INTS5: variants seen among roughly 807,000 people sequenced by gnomAD.
INTS5 encodes the protein integrator complex subunit 5.
In INTS5, 29 loss-of-function variants were observed where a neutral mutation model predicts 60.0. The ratio of observed to expected loss-of-function variants is 0.48; its 90% CI spans 0.36 to 0.66. The LOEUF is 0.66. INTS5 is among the 30% of genes least tolerant of loss of function. The pLI is 0.00. For missense variants in INTS5, 1,129 were observed against 1,307.9 expected, an observed-to-expected ratio of 0.86 and a Z score of 2.11; for synonymous variants, 588 against 558.8, an observed-to-expected ratio of 1.05 and a Z score of -0.74.
rs1159325733 is a variant in INTS5 at position 62,648,202 on chromosome 11, G to A, written c.1878C>T (p.Ala626=). 3 of 1,613,424 alleles carry A rather than the reference G, an allele frequency of 1.9e-6. No homozygotes were observed. Among genetic ancestry groups the A allele is most frequent in the Non-Finnish European group, 1.7e-6 (2 of 1,179,778 alleles). The change falls in exon 2 of 2, where the codon GCC becomes GCT. Residue 626 remains alanine, a synonymous_variant. Transcript: ENST00000330574. This position sits in a 1 kb window ranked among gnomAD's most constrained non-coding sequence, Gnocchi z 4.4. ...GAAAGGGACAAATGGCCAGGAGAGAGGCAGCAGCTTCAGCTACTTCCTCCT... is the reference window on the plus strand; with the variant it reads ...GAAAGGGACAAATGGCCAGGAGAGAAGCAGCAGCTTCAGCTACTTCCTCCT... ...HPEEEVAEAA[A]SLLAICPFPS...
At position 62,649,567 on chromosome 11, in the gene INTS5, G is replaced by A. The variant is rs769532268; in HGVS notation, c.513C>T (p.Gly171=). Residue 171 remains glycine (G), a synonymous_variant, in exon 2 of 2, where the codon GGC becomes GGT. Transcript: ENST00000330574. This position sits in a 1 kb window ranked among gnomAD's most constrained non-coding sequence, Gnocchi z 6.0. ...GQHQRVPHAT[G]ALNELLQLWM... is the part of the protein sequence containing the mutation. The stretch of plus-strand genomic sequence containing the variant: ...ACAGCTGTAGCAGTTCATTAAGAGC[G>A]CCAGTAGCGTGGGGAACACGCTGGT... 14 of 1,614,162 alleles carry A rather than the reference G, an allele frequency of 8.7e-6. No homozygotes were observed. The highest frequency in any genetic ancestry group is 1.7e-5 in the Admixed American group (1 of 60,026).
chr11:62,648,871 G>A lies in INTS5; in HGVS notation c.1209C>T (p.Ala403=). The A allele has an allele frequency of 1.2e-6, 2 of 1,613,928 alleles. No homozygotes were observed. Among genetic ancestry groups the A allele is most frequent in the Non-Finnish European group, 1.7e-6 (2 of 1,180,032 alleles). ...HLVSQASGAG[A]YRLLQFLVDT... The stretch of plus-strand genomic sequence containing the variant: ...CCACCAGGAACTGCAGCAAGCGGTA[G>A]GCACCTGCCCCAGAGGCCTGGCTCA... Residue 403 remains alanine (A), a synonymous_variant, in exon 2 of 2, where the codon GCC becomes GCT. Coordinates refer to ENST00000330574, the MANE Select transcript of INTS5 (RefSeq NM_030628.2). The surrounding 1 kb of genome is among the most constrained non-coding windows in gnomAD (Gnocchi z 4.4).
chr11:62,649,930 G>C lies in INTS5; in HGVS notation c.150C>G (p.Leu50=), dbSNP rs752488137. 1.2e-6 allele frequency: 2 copies of C among 1,614,192 alleles called. No individual in the cohort carries two copies. Among genetic ancestry groups the C allele is most frequent in the Admixed American group, 1.7e-5 (1 of 60,010 alleles). Residue 50 remains leucine, a synonymous_variant, in exon 2 of 2, where the codon CTC becomes CTG. Coordinates refer to ENST00000330574, the MANE Select transcript of INTS5 (RefSeq NM_030628.2). The surrounding 1 kb of genome is among the most constrained non-coding windows in gnomAD (Gnocchi z 6.0). The part of the protein sequence containing the change: ...TGVDPILGHQ[L]SAREHARCGL... ...CACAGCGAGCATGTTCCCGGGCTGAGAGTTGGTGGCCCAGAATGGGGTCTA... is the reference window on the plus strand; with the variant it reads ...CACAGCGAGCATGTTCCCGGGCTGACAGTTGGTGGCCCAGAATGGGGTCTA...
rs571152386 is a variant in INTS5, at chr11:62,652,038, G to A, written c.80+1132C>T. ...AATATCTGCTTTAAAAACATTTCCA[G>A]GCTGGCTGAGGTGCCTCACGTCTGT... On this transcript the variant is annotated intron_variant, in intron 1 of 1. Coordinates refer to ENST00000330574, the MANE Select transcript of INTS5 (RefSeq NM_030628.2). Among the ~76,000 whole-genome samples, 5 of 152,016 alleles carry A rather than the reference G, an allele frequency of 3.3e-5. No individual in the cohort carries two copies. The East Asian group carries it at 9.7e-4, about 29-fold the overall frequency.
intron 1 of INTS5, among the ~76,000 whole-genome samples, chr11:62,652,104 G>A (rs1488354082): frequency 6.6e-6 from 1 of 150,418 alleles, no homozygotes; most frequent in Non-Finnish European, 1.5e-5. Context: ...TGGATCACTT[G>A]AGGTCAGAAG....
At position 62,647,785 on chromosome 11, in the gene INTS5, C is replaced by T. The variant is rs745845334; in HGVS notation, c.2295G>A (p.Gln765=). Residue 765 remains glutamine, a synonymous_variant, in exon 2 of 2, where the codon CAG becomes CAA. Coordinates refer to ENST00000330574, the MANE Select transcript of INTS5 (RefSeq NM_030628.2). The part of the protein sequence containing the change: ...GRGLKPPKFV[Q]SRNQQEVIYN... ...AGATCACTTCCTGCTGATTTCGTGA[C>T]TGGACAAACTTGGGTGGCTTTAAGC... 2.0e-5 allele frequency: 33 copies of T among 1,614,212 alleles called. No individual in the cohort carries two copies. The South Asian group carries it at 3.0e-4, about 14-fold the overall frequency.
chr11:62,647,525 C>T lies in INTS5; in HGVS notation c.2555G>A (p.Arg852His), dbSNP rs1287218128. The change falls in exon 2 of 2, where the codon CGC becomes CAC. Residue 852 changes from arginine (R) to histidine (H), a missense_variant. Arg to His is a conservative substitution (Grantham distance 29). Around this residue, in one of 3 missense-constraint regions of INTS5, gnomAD observed 1,070 missense variants for 1,246.1 expected, o/e 0.86. Transcript: ENST00000330574. Reference protein sequence around the residue: ...ERDLRIGRRFREQPLLFELLK... With the variant: ...ERDLRIGRRFHEQPLLFELLK... ...CAGCTCAAAGAGCAGGGGCTGTTCG[C>T]GGAAGCGCCGGCCAATGCGGAGATC... 6.2e-7 allele frequency: 1 copy of T among 1,611,898 alleles called. No homozygotes were observed. The highest frequency in any genetic ancestry group is 1.3e-5 in the African/African-American group (1 of 75,038).
rs1205031954 is a variant in INTS5, at chr11:62,649,096, G to A, written c.984C>T (p.Arg328=). Residue 328 remains arginine, a synonymous_variant, in exon 2 of 2, where the codon CGC becomes CGT. Coordinates refer to ENST00000330574, the MANE Select transcript of INTS5 (RefSeq NM_030628.2). This position sits in a 1 kb window ranked among gnomAD's most constrained non-coding sequence, Gnocchi z 6.0. ...TGGCCTGAAGGGAGGGGTCCCCACTGCGGCCTCCAGATCCCCCTGCCAGGC... is the reference window on the plus strand; with the variant it reads ...TGGCCTGAAGGGAGGGGTCCCCACTACGGCCTCCAGATCCCCCTGCCAGGC... The part of the protein sequence containing the change: ...HDSLAGGSGG[R]SGDPSLQATV... 2 of 1,610,536 alleles carry A rather than the reference G, an allele frequency of 1.2e-6. No homozygotes were observed. The highest frequency in any genetic ancestry group is 1.7e-6 in the Non-Finnish European group (2 of 1,177,242).
rs1944542895 is a variant in INTS5, at chr11:62,647,781, G to A, written c.2299C>T (p.Arg767Ter). ...TTATAGATCACTTCCTGCTGATTTC[G>A]TGACTGGACAAACTTGGGTGGCTTT... is the stretch of plus-strand genomic sequence containing the variant. ...GLKPPKFVQSRNQQEVIYNTQ... is the reference protein window; with the variant it reads ...GLKPPKFVQS The change falls in exon 2 of 2, where the codon CGA (arginine) becomes TGA (stop). Residue 767 changes from arginine (R) to a stop codon, truncating the protein, a stop_gained. Transcript: ENST00000330574. LOFTEE classifies it high-confidence loss of function. 1 of 1,614,214 alleles carries A rather than the reference G, an allele frequency of 6.2e-7. No individual in the cohort carries two copies. Among genetic ancestry groups the A allele is most frequent in the Non-Finnish European group, 8.5e-7 (1 of 1,180,052 alleles).
In INTS5 at chr11:62,647,471, G is replaced by A. The variant is rs1944535315; in HGVS notation, c.2609C>T (p.Ala870Val). 1.2e-6 allele frequency: 2 copies of A among 1,605,154 alleles called. No homozygotes were observed. The highest frequency in any genetic ancestry group is 1.7e-6 in the Non-Finnish European group (2 of 1,174,552). ...AAGCAGCACGGAACAGTAGCACAGG[G>A]CTGGGGGTGCAGCTGCTACCAGCTT... is the stretch of plus-strand genomic sequence containing the variant. ...LLKLVAAAPP[A>V]LCYCSVLLRG... is the part of the protein sequence containing the mutation. The change falls in exon 2 of 2, where the codon GCC becomes GTC. Residue 870 changes from alanine (A) to valine (V), a missense_variant. Coordinates refer to ENST00000330574, the MANE Select transcript of INTS5 (RefSeq NM_030628.2).
At chr11:62,652,380 G>A (rs1343524120) in intron 1 of INTS5, among the ~76,000 whole-genome samples, 8 of 105,992 alleles carry the variant, frequency 7.5e-5, no homozygotes, top group African/African-American at 2.5e-4. Context: ...CCCCCGCCCC[G>A]CCCCATCCCA....
chr11:62,650,084 G>C, intron 1 of INTS5, 85 bp from the exon 2 acceptor site: 1 of 1,040,240 alleles, frequency 9.6e-7, no homozygotes, highest in South Asian at 1.6e-5. Flanking sequence ...TGCCTTTTAT[G>C]TTAAATAGGG....
chr11:62,652,370 C>T (rs1944602390), intron 1 of INTS5, among the ~76,000 whole-genome samples: 1 of 151,356 alleles, frequency 6.6e-6, no homozygotes, highest in Admixed American at 6.6e-5. Context: ...TCTACCACCA[C>T]CCCCGCCCCG....
At position 62,647,402 on chromosome 11, in the gene INTS5, C is replaced by T. The variant is rs778371875; in HGVS notation, c.2678G>A (p.Arg893His). Reference protein sequence around the residue: ...AALLGHWEASRHPDTTHSPWH... With the variant: ...AALLGHWEASHHPDTTHSPWH... ...GGGGGAGTGGGTCGTGTCAGGGTGGCGAGAGGCTTCCCAATGGCCCAAGAG... is the reference window on the plus strand; with the variant it reads ...GGGGGAGTGGGTCGTGTCAGGGTGGTGAGAGGCTTCCCAATGGCCCAAGAG... The change falls in exon 2 of 2, where the codon CGC (arginine) becomes CAC (histidine). Residue 893 changes from arginine to histidine, a missense_variant. This residue lies in a region of INTS5 where 1,070 missense variants were observed against 1,246.1 expected (regional missense o/e 0.86). Transcript: ENST00000330574. 6.2e-7 allele frequency: 1 copy of T among 1,611,478 alleles called. No homozygotes were observed. The highest frequency in any genetic ancestry group is 1.1e-5 in the South Asian group (1 of 90,934).
In INTS5 at chr11:62,653,186, C is replaced by T. The variant is rs994380651; in HGVS notation, c.64G>A (p.Gly22Ser). The stretch of plus-strand genomic sequence containing the variant: ...TCTAACTACCTGAGAGGCGCGGGAC[C>T]GTGGGTGGCCGGGGCAGGCCCAGGT... ...GPPGPAPATH[G>S]PAPLSAQELS... Residue 22 changes from glycine (G) to serine (S), a missense_variant, in exon 1 of 2, where the codon GGT becomes AGT. Coordinates refer to ENST00000330574, the MANE Select transcript of INTS5 (RefSeq NM_030628.2). 1.6e-6 allele frequency: 2 copies of T among 1,247,356 alleles called. No individual in the cohort carries two copies. The highest frequency in any genetic ancestry group is 2.0e-6 in the Non-Finnish European group (2 of 987,484). 77.3% of individuals were successfully genotyped at this position (1,247,356 alleles called of 1,614,324 possible).
chr11:62,651,503 G>A (rs150661649), intron 1 of INTS5, among the ~76,000 whole-genome samples: 3 of 152,192 alleles, frequency 2.0e-5, no homozygotes, highest in South Asian at 2.1e-4. Flanking sequence ...AGTACTTTGC[G>A]TGTATTATTT....
At chr11:62,651,123 C>T (rs1014083902) in intron 1 of INTS5, among the ~76,000 whole-genome samples, 13 of 151,612 alleles carry the variant, frequency 8.6e-5, no homozygotes, top group South Asian at 4.2e-4. Flanking sequence ...TTTCTCCCCC[C>T]GCCCCGAGAG....
Position 62,649,152 on chromosome 11 carries a change from G to A in INTS5, c.928C>T (p.Arg310Ter). ...HLASRHGDSIRRELLRMFHDS... is the reference protein window; with the variant it reads ...HLASRHGDSI ...TGGAACATTCGCAGGAGCTCCCGTC[G>A]GATGCTATCTCCGTGGCGGGAGGCC... Residue 310 changes from arginine to a stop codon, truncating the protein, a stop_gained, in exon 2 of 2, where the codon CGA (arginine) becomes TGA (stop). Coordinates refer to ENST00000330574, the MANE Select transcript of INTS5 (RefSeq NM_030628.2). LOFTEE classifies it high-confidence loss of function. The surrounding 1 kb of genome is among the most constrained non-coding windows in gnomAD (Gnocchi z 6.0). 1.2e-6 allele frequency: 2 copies of A among 1,613,540 alleles called. No homozygotes were observed. Among genetic ancestry groups the A allele is most frequent in the Non-Finnish European group, 1.7e-6 (2 of 1,179,504 alleles).
chr11:62,647,402 C>A lies in INTS5; in HGVS notation c.2678G>T (p.Arg893Leu). The A allele has an allele frequency of 6.2e-7, 1 of 1,611,474 alleles. No homozygotes were observed. The change falls in exon 2 of 2, where the codon CGC becomes CTC. Residue 893 changes from arginine (R) to leucine (L), a missense_variant. Physicochemically the swap from Arg to Leu is moderately radical, Grantham distance 102 (BLOSUM62 -2). This residue lies in a region of INTS5 where 1,070 missense variants were observed against 1,246.1 expected (regional missense o/e 0.86). Transcript: ENST00000330574. ...GGGGGAGTGGGTCGTGTCAGGGTGGCGAGAGGCTTCCCAATGGCCCAAGAG... is the reference window on the plus strand; with the variant it reads ...GGGGGAGTGGGTCGTGTCAGGGTGGAGAGAGGCTTCCCAATGGCCCAAGAG... Reference protein sequence around the residue: ...AALLGHWEASRHPDTTHSPWH... With the variant: ...AALLGHWEASLHPDTTHSPWH...
Sources: gnomAD v4.1 joint callset for allele counts (sites outside exome capture counted in the v4.1 genomes callset) on GRCh38, gnomAD v4.1.1 for gene constraint, gnomAD v4.1.1 regional missense constraint, Gnocchi (gnomAD v3.1) non-coding constraint, MANE v1.5 for transcripts, NCBI Gene and HGNC (gene_info 2026-07-23, HGNC 2026-07-21) for gene names.